The following IRF5 variants were observed in gnomAD, a reference collection of about 807,000 sequenced individuals.
IRF5 encodes interferon regulatory factor 5.
IRF5 carries 24 observed loss-of-function variants against 55.1 expected under a neutral mutation model. The observed-to-expected ratio is 0.44, with a 90% CI of 0.32 to 0.61. The LOEUF is 0.61. Ranked by LOEUF, IRF5 falls within the 20% of genes least tolerant of loss-of-function variation. The pLI is 0.07. For synonymous variants in IRF5, 258 were observed against 260.2 expected (o/e 0.99, Z 0.08); for missense variants, 499 against 658.5 (o/e 0.76, Z 2.65).
Position 128,946,125 on chromosome 7 carries a change from G to T in IRF5, c.385+91G>T. 8.0e-7 allele frequency: 1 copy of T among 1,244,524 alleles called. No homozygotes were observed. 77.1% of individuals were successfully genotyped at this position (1,244,524 alleles called of 1,614,324 possible). A position where few individuals can be genotyped will look rare whatever the true frequency, so the allele number is the denominator to read the frequency against. Reference sequence around the variant, plus strand: ...GCTCTTGGGTGCAGGCAGGCCAAGGGCCCCTCTAGCAGGCAGTGGTCCAGG... The same window carrying T: ...GCTCTTGGGTGCAGGCAGGCCAAGGTCCCCTCTAGCAGGCAGTGGTCCAGG... On this transcript the variant is annotated intron_variant, in intron 3 of 8. Transcript: ENST00000357234. The surrounding 1 kb of genome is among the most constrained non-coding windows in gnomAD (Gnocchi z 4.2).
At position 128,948,537 on chromosome 7, in the gene IRF5, C is replaced by T. The variant is rs1466872157; in HGVS notation, c.1300-36C>T. On this transcript the variant is annotated intron_variant, in intron 8 of 8. Coordinates refer to ENST00000357234, the MANE Select transcript of IRF5 (RefSeq NM_001098629.3). This position sits in a 1 kb window ranked among gnomAD's most constrained non-coding sequence, Gnocchi z 4.6. ...ACAGCTGGATCTGGCAGCCCTGCCACAGGTCTCCCTGTCTCATCTCCTCTT... is the reference window on the plus strand; with the variant it reads ...ACAGCTGGATCTGGCAGCCCTGCCATAGGTCTCCCTGTCTCATCTCCTCTT... 1.9e-6 allele frequency: 3 copies of T among 1,609,882 alleles called. No homozygotes were observed. The highest frequency in any genetic ancestry group is 2.5e-6 in the Non-Finnish European group (3 of 1,178,954).
Position 128,947,391 on chromosome 7 carries a change from C to G in IRF5, c.643C>G (p.Pro215Ala). Residue 215 changes from proline to alanine, a missense_variant, in exon 6 of 9, where the codon CCC (proline) becomes GCC (alanine). Physicochemically the swap from Pro to Ala is conservative, Grantham distance 27 (BLOSUM62 -1). Coordinates refer to ENST00000357234, the MANE Select transcript of IRF5 (RefSeq NM_001098629.3). The surrounding 1 kb of genome is among the most constrained non-coding windows in gnomAD (Gnocchi z 6.5). ...GGGTCCCCCTGCTCCAGACCCCAGC[C>G]CCCTGGCTCCTCCCCCTGGCAACCC... Reference protein sequence around the residue: ...VLGPPAPDPSPLAPPPGNPAG... With the variant: ...VLGPPAPDPSALAPPPGNPAG... The G allele has an allele frequency of 6.2e-7, 1 of 1,610,600 alleles. No individual in the cohort carries two copies.
chr7:128,943,673 T>C, intron 2 of IRF5, among the ~76,000 whole-genome samples: 1 of 146,906 alleles, frequency 6.8e-6, no homozygotes, highest in Admixed American at 7.0e-5. Context: ...CCCGAGTAGC[T>C]AGGATTACAG....
At position 128,946,460 on chromosome 7, in the gene IRF5, T is replaced by A; in HGVS notation, c.386-41T>A. The A allele has an allele frequency of 6.3e-7, 1 of 1,578,300 alleles. No individual in the cohort carries two copies. The highest frequency in any genetic ancestry group is 8.6e-7 in the Non-Finnish European group (1 of 1,161,348). ...GGGGATCTTGCTTCTCCTCCGACAT[T>A]GACTCCTTTACTGCCCTGCTTTTCT... On this transcript the variant is annotated intron_variant, in intron 3 of 8. Transcript: ENST00000357234. The surrounding 1 kb of genome is among the most constrained non-coding windows in gnomAD (Gnocchi z 4.2).
chr7:128,942,233 C>T lies in IRF5; in HGVS notation c.152C>T (p.Thr51Ile). 6.2e-7 allele frequency: 1 copy of T among 1,613,966 alleles called. No individual in the cohort carries two copies. The highest frequency in any genetic ancestry group is 8.5e-7 in the Non-Finnish European group (1 of 1,179,938). Residue 51 changes from threonine to isoleucine, a missense_variant, in exon 2 of 9, where the codon ACA becomes ATA. Thr to Ile is a moderately conservative substitution (Grantham distance 89). Around this residue, in one of 2 missense-constraint regions of IRF5, gnomAD observed 305 missense variants for 340.2 expected, o/e 0.90. Coordinates refer to ENST00000357234, the MANE Select transcript of IRF5 (RefSeq NM_001098629.3). ...KLFCIPWRHA[T>I]RHGPSQDGDN... ...TTCTGCATCCCCTGGAGGCATGCCA[C>T]AAGGCATGGTCCCAGCCAGGACGGA...
At chr7:128,945,768 T>C in intron 2 of IRF5, 77 bp from the exon 3 acceptor site, 2 of 1,419,908 alleles carry the variant, frequency 1.4e-6, no homozygotes, top group Admixed American at 4.7e-5. Flanking sequence ...CAGTAGAGTC[T>C]CCTATGGGAC....
In IRF5 at chr7:128,948,226, A is replaced by T; in HGVS notation, c.1197A>T (p.Gln399His). The change falls in exon 8 of 9, where the codon CAA becomes CAT. Residue 399 changes from glutamine to histidine, a missense_variant. Physicochemically the swap from Gln to His is conservative, Grantham distance 24 (BLOSUM62 0). Coordinates refer to ENST00000357234, the MANE Select transcript of IRF5 (RefSeq NM_001098629.3). This position sits in a 1 kb window ranked among gnomAD's most constrained non-coding sequence, Gnocchi z 4.6. ...EHFLNELILF[Q>H]KGQTNTPPPF... The stretch of plus-strand genomic sequence containing the variant: ...TTGATGCAGAGCTCATCCTGTTCCA[A>T]AAGGGCCAGACCAACACCCCACCAC... 2 of 1,613,606 alleles carry T rather than the reference A, an allele frequency of 1.2e-6. No individual in the cohort carries two copies. The highest frequency in any genetic ancestry group is 8.5e-7 in the Non-Finnish European group (1 of 1,179,794).
At chr7:128,938,624 CAGGT>C in intron 1 of IRF5, among the ~76,000 whole-genome samples, 1 of 152,326 alleles carries the variant, frequency 6.6e-6, no homozygotes, top group African/African-American at 2.4e-5. Flanking sequence ...AAGATGGTGT[CAGGT>C]AGAGGCTGCG....
At chr7:128,941,589 A>AC (rs1303340728) in intron 1 of IRF5, among the ~76,000 whole-genome samples, 1 of 152,062 alleles carries the variant, frequency 6.6e-6, no homozygotes, top group Non-Finnish European at 1.5e-5. Context: ...GAAGAATCGA[A>AC]CTAGGGGTGT....
In IRF5 at chr7:128,948,688, A is replaced by G; in HGVS notation, c.1415A>G (p.Glu472Gly). 6.2e-7 allele frequency: 1 copy of G among 1,614,184 alleles called. No individual in the cohort carries two copies. The highest frequency in any genetic ancestry group is 8.5e-7 in the Non-Finnish European group (1 of 1,180,032). The change falls in exon 9 of 9, where the codon GAG becomes GGG. Residue 472 changes from glutamate to glycine, a missense_variant. By Grantham distance (98) the Glu-to-Gly change is moderately conservative. Coordinates refer to ENST00000357234, the MANE Select transcript of IRF5 (RefSeq NM_001098629.3). The surrounding 1 kb of genome is among the most constrained non-coding windows in gnomAD (Gnocchi z 4.6). ...CCAGACCTCAAAGACCGCATGGTGGAGCAATTCAAGGAGCTCCATCACATC... is the reference window on the plus strand; with the variant it reads ...CCAGACCTCAAAGACCGCATGGTGGGGCAATTCAAGGAGCTCCATCACATC... ...SNPDLKDRMV[E>G]QFKELHHIWQ...
At chr7:128,942,725 A>G (rs1796097903) in intron 2 of IRF5, among the ~76,000 whole-genome samples, 1 of 152,062 alleles carries the variant, frequency 6.6e-6, no homozygotes, top group African/African-American at 2.4e-5. Flanking sequence ...TCTCACTCCT[A>G]TTACTCATGA....
Position 128,948,103 on chromosome 7 carries a change from C to T in IRF5, c.1162C>T (p.Leu388=), listed in dbSNP as rs749567093. ...GGAGGTCAAGACCAAGCTTTTCAGC[C>T]TGGAGCATTTTCTCAATGGTGAGGG... ...QREVKTKLFS[L]EHFLNELILF... is the part of the protein sequence containing the mutation. Residue 388 remains leucine (L), a synonymous_variant, in exon 7 of 9, where the codon CTG becomes TTG. Coordinates refer to ENST00000357234, the MANE Select transcript of IRF5 (RefSeq NM_001098629.3). This position sits in a 1 kb window ranked among gnomAD's most constrained non-coding sequence, Gnocchi z 4.6. 105 of 1,613,970 alleles carry T rather than the reference C, an allele frequency of 6.5e-5. No individual in the cohort carries two copies. Among genetic ancestry groups the T allele is most frequent in the Admixed American group, 4.8e-4 (29 of 60,020 alleles).
chr7:128,946,043 C>T lies in IRF5; in HGVS notation c.385+9C>T. 4 of 1,575,722 alleles carry T rather than the reference C, an allele frequency of 2.5e-6. No homozygotes were observed. The highest frequency in any genetic ancestry group is 3.4e-6 in the Non-Finnish European group (4 of 1,163,554). On this transcript the variant is annotated intron_variant, in intron 3 of 8. Coordinates refer to ENST00000357234, the MANE Select transcript of IRF5 (RefSeq NM_001098629.3). This position sits in a 1 kb window ranked among gnomAD's most constrained non-coding sequence, Gnocchi z 4.2. ...TGGCCCTGCTCCCACAGGTATCAGG[C>T]CTAGCCCTCTGTGGGCCACCTGGGA...
chr7:128,943,420 G>A (rs1796137759), intron 2 of IRF5, among the ~76,000 whole-genome samples: 1 of 143,898 alleles, frequency 6.9e-6, no homozygotes, highest in Admixed American at 7.1e-5. Flanking sequence ...GTTGCCTAGT[G>A]TTGCACCATT....
In IRF5 at chr7:128,945,772, A is replaced by G. The variant is rs999791433; in HGVS notation, c.196-73A>G. On this transcript the variant is annotated intron_variant, in intron 2 of 8. Coordinates refer to ENST00000357234, the MANE Select transcript of IRF5 (RefSeq NM_001098629.3). Reference sequence around the variant, plus strand: ...TTCTCCCCACACAGTAGAGTCTCCTATGGGACAGGAGGCAGACTGGGGCTG... The same window carrying G: ...TTCTCCCCACACAGTAGAGTCTCCTGTGGGACAGGAGGCAGACTGGGGCTG... 84 of 1,424,602 alleles carry G rather than the reference A, an allele frequency of 5.9e-5. No homozygotes were observed. In the South Asian group the frequency reaches 6.2e-4, roughly 11 times the overall value. The allele number at this position is 1,424,602 out of a possible 1,614,324, so 88.2% of individuals were successfully genotyped here. A position where few individuals can be genotyped will look rare whatever the true frequency, so the allele number is the denominator to read the frequency against.
chr7:128,942,775 G>A (rs899008373), intron 2 of IRF5, among the ~76,000 whole-genome samples: 1 of 152,036 alleles, frequency 6.6e-6, no homozygotes, highest in Non-Finnish European at 1.5e-5. Context: ...GGAAGCCAAC[G>A]ATCATCATCT....
At position 128,948,903 on chromosome 7, in the gene IRF5, G is replaced by C. The variant is rs747522001; in HGVS notation, c.*85G>C. 4.0e-5 allele frequency: 60 copies of C among 1,507,700 alleles called. No homozygotes were observed. The highest frequency in any genetic ancestry group is 5.1e-5 in the Non-Finnish European group (57 of 1,122,370). The allele number at this position is 1,507,700 out of a possible 1,614,324, so 93.4% of individuals were successfully genotyped here. ...GATGTGACAGCCCCGATGAGCACCT[G>C]GCTGGCTGCAGGGTCCTACCTCTGG... On this transcript the variant is annotated 3_prime_UTR_variant, in exon 9 of 9. Transcript: ENST00000357234. This position sits in a 1 kb window ranked among gnomAD's most constrained non-coding sequence, Gnocchi z 4.6.
In IRF5 at chr7:128,949,073, C is replaced by G. The variant is rs1338268720; in HGVS notation, c.*255C>G. 7.7e-6 allele frequency: 4 copies of G among 517,542 alleles called. No homozygotes were observed. The highest frequency in any genetic ancestry group is 5.7e-5 in the African/African-American group (3 of 52,260). The allele number at this position is 517,542 out of a possible 1,614,324, so 32.1% of individuals were successfully genotyped here. A position where few individuals can be genotyped will look rare whatever the true frequency, so the allele number is the denominator to read the frequency against. Reference sequence around the variant, plus strand: ...AGCCATGAGCAGGGAAAGAACTCTCCCAACCCTGGGGCCTAGCTGTATAGG... The same window carrying G: ...AGCCATGAGCAGGGAAAGAACTCTCGCAACCCTGGGGCCTAGCTGTATAGG... On this transcript the variant is annotated 3_prime_UTR_variant, in exon 9 of 9. Coordinates refer to ENST00000357234, the MANE Select transcript of IRF5 (RefSeq NM_001098629.3).
At chr7:128,945,108 A>G (rs1796230271) in intron 2 of IRF5, among the ~76,000 whole-genome samples, 1 of 152,102 alleles carries the variant, frequency 6.6e-6, no homozygotes, top group Non-Finnish European at 1.5e-5. Context: ...TGCTTTACGG[A>G]CATCAACTCC....
Sources: gnomAD v4.1 joint callset for allele counts (sites outside exome capture counted in the v4.1 genomes callset) on GRCh38, gnomAD v4.1.1 for gene constraint, gnomAD v4.1.1 regional missense constraint, Gnocchi (gnomAD v3.1) non-coding constraint, MANE v1.5 for transcripts, NCBI Gene and HGNC (gene_info 2026-07-23, HGNC 2026-07-21) for gene names.